SLC39A12: variants seen among roughly 807,000 people sequenced by gnomAD.
The protein encoded by SLC39A12 is solute carrier family 39 member 12, also known as zinc transporter ZIP12.
Under a neutral mutation model 71.1 loss-of-function variants are expected in SLC39A12, and 63 were observed. The observed-to-expected ratio is 0.89, with a 90% CI of 0.72 to 1.09. The LOEUF (loss-of-function observed/expected upper bound fraction) is 1.09. SLC39A12 is among the 50% of genes least tolerant of loss of function. SLC39A12 has a pLI of 0.00. For synonymous variants in SLC39A12, 351 were observed against 301.3 expected, an observed-to-expected ratio of 1.16 and a Z score of -1.71; for missense variants, 892 against 812.6, an observed-to-expected ratio of 1.10 and a Z score of -1.19.
intron 12 of SLC39A12, among the ~76,000 whole-genome samples, chr10:18,025,035 G>T (rs1421222161): frequency 6.6e-6 from 1 of 152,016 alleles, no homozygotes; most frequent in African/African-American, 2.4e-5. Context: ...TTGATCCACT[G>T]TTATAATCTC....
intron 12 of SLC39A12, among the ~76,000 whole-genome samples, chr10:18,009,967 T>C (rs546414065): frequency 1.3e-5 from 2 of 152,312 alleles, no homozygotes; most frequent in African/African-American, 2.4e-5. Context: ...AAAACATTAA[T>C]TGAGTGACAA....
intron 9 of SLC39A12, among the ~76,000 whole-genome samples, chr10:17,994,828 AT>A (rs1174077016): frequency 6.6e-6 from 1 of 152,154 alleles, no homozygotes; most frequent in East Asian, 1.9e-4. Context: ...CACAAAATGC[AT>A]TTATCTCATT....
chr10:17,952,196 G>T (rs74642760), intron 1 of SLC39A12, among the ~76,000 whole-genome samples, 171 bp downstream of exon 1: 2,423 of 152,254 alleles, frequency 0.016, 62 homozygotes, highest in African/African-American at 0.054. Flanking sequence ...TCGGACATGA[G>T]ATGCTGTTAA....
In SLC39A12 at chr10:17,965,813, TAG is replaced by T. The variant is rs1834811858; in HGVS notation, c.751+126_751+127del. On this transcript the variant is annotated intron_variant, in intron 4 of 12. Coordinates refer to ENST00000377369, the MANE Select transcript of SLC39A12 (RefSeq NM_001145195.2). ...GGTATGTTTTAAATACCATTTTTTA[TAG>T]AGTCATAAAGTCAGACAGCTTATGT... The T allele has an allele frequency of 3.7e-6, 3 of 808,582 alleles. No homozygotes were observed. The East Asian group carries it at 8.1e-5, about 22-fold the overall frequency. The allele number at this position is 808,582 out of a possible 1,614,324, so 50.1% of individuals were successfully genotyped here.
At chr10:17,999,247 A>T (rs1194500583) in intron 10 of SLC39A12, among the ~76,000 whole-genome samples, 4 of 143,126 alleles carry the variant, frequency 2.8e-5, no homozygotes, top group African/African-American at 1.0e-4. Context: ...GTGAGCCTAG[A>T]TCATGCTACT....
chr10:18,039,408 A>T lies in SLC39A12; in HGVS notation c.1948-3297A>T, dbSNP rs573189840. Among the ~76,000 whole-genome samples, 7 of 152,286 alleles carry T rather than the reference A, an allele frequency of 4.6e-5. No homozygotes were observed. The South Asian group carries it at 1.0e-3, about 23-fold the overall frequency. On this transcript the variant is annotated intron_variant, in intron 12 of 12. Transcript: ENST00000377369. ...TTGTCTGGCTTTGGAGAAAACTATT[A>T]AAAAATACTGAAAACTATTGAGAAT...
intron 12 of SLC39A12, among the ~76,000 whole-genome samples, chr10:18,033,988 T>C (rs1433712582): frequency 6.8e-6 from 1 of 147,764 alleles, no homozygotes; most frequent in Non-Finnish European, 1.5e-5. Context: ...TCCTGAGTTC[T>C]AGTTTGATTG....
chr10:17,986,411 G>A (rs1835397367), intron 6 of SLC39A12, among the ~76,000 whole-genome samples: 2 of 152,174 alleles, frequency 1.3e-5, no homozygotes, highest in Admixed American at 1.3e-4. Flanking sequence ...AGTTCTGGAG[G>A]TTGGGAAGTC....
chr10:17,988,723 G>C (rs72778339), intron 7 of SLC39A12, among the ~76,000 whole-genome samples: 22 of 152,138 alleles, frequency 1.4e-4, no homozygotes, highest in African/African-American at 5.3e-4. Flanking sequence ...AGAGGCAGTG[G>C]CATCTGTGCC....
intron 12 of SLC39A12, among the ~76,000 whole-genome samples, chr10:18,022,901 C>T (rs368682360): frequency 4.1e-4 from 62 of 152,204 alleles, no homozygotes; most frequent in East Asian, 1.4e-3. Flanking sequence ...TCTATATTAG[C>T]GTAGTATTTT....
chr10:17,978,493 G>A (rs1835172404), intron 5 of SLC39A12, among the ~76,000 whole-genome samples: 1 of 152,136 alleles, frequency 6.6e-6, no homozygotes, highest in African/African-American at 2.4e-5. Context: ...TGTTGAAGTT[G>A]ACTCTTTCAG....
rs955688053 is a variant in SLC39A12, at chr10:18,030,796, C to T, written c.1948-11909C>T. 4.4e-5 allele frequency among the ~76,000 whole-genome samples: 5 copies of T among 114,000 alleles called. No homozygotes were observed. The Admixed American group carries it at 4.7e-4, about 11-fold the overall frequency. 74.8% of individuals were successfully genotyped at this position (114,000 alleles called of 152,430 possible). On this transcript the variant is annotated intron_variant, in intron 12 of 12. Coordinates refer to ENST00000377369, the MANE Select transcript of SLC39A12 (RefSeq NM_001145195.2). ...CCCAATGCTATCCCTCCCCCTCCCC[C>T]CTCCCCCCACCCCACCACAGTCCCC... is the stretch of plus-strand genomic sequence containing the variant.
At chr10:17,975,131 T>TCA (rs972603829) in intron 4 of SLC39A12, among the ~76,000 whole-genome samples, 14 of 152,286 alleles carry the variant, frequency 9.2e-5, no homozygotes, top group Admixed American at 3.3e-4. Context: ...TGGTGAATGC[T>TCA]GCCTACCCTA....
rs1378690243 is a variant in SLC39A12, at chr10:18,034,997, G to A, written c.1948-7708G>A. On this transcript the variant is annotated intron_variant, in intron 12 of 12. Transcript: ENST00000377369. ...GGCCCCCACTCTCTTCTGGCTTGTA[G>A]GGTTTCTGCCGAGAGATCCGCTGTT... Among the ~76,000 whole-genome samples, 409 of 151,086 alleles carry A rather than the reference G, an allele frequency of 2.7e-3. 2 individuals carry two copies. The highest frequency in any genetic ancestry group is 9.5e-3 in the African/African-American group (391 of 41,100).
chr10:17,967,852 A>G (rs995964855), intron 4 of SLC39A12, among the ~76,000 whole-genome samples: 4 of 148,960 alleles, frequency 2.7e-5, no homozygotes, highest in Admixed American at 1.3e-4. Context: ...CCGCCACTGT[A>G]CTCCAGCCTG....
intron 4 of SLC39A12, among the ~76,000 whole-genome samples, chr10:17,974,022 G>A (rs1835042728): frequency 6.6e-6 from 1 of 150,990 alleles, no homozygotes; most frequent in South Asian, 2.1e-4. Context: ...TCTTCAGTAT[G>A]CCAGTTGCAT....
rs182477356 is a variant in SLC39A12 at position 17,972,004 on chromosome 10, T to A, written c.752-5898T>A. Among the ~76,000 whole-genome samples the A allele has an allele frequency of 4.5e-3, 678 of 152,294 alleles. 6 individuals carry two copies. Among genetic ancestry groups the A allele is most frequent in the African/African-American group, 0.016 (660 of 41,574 alleles). On this transcript the variant is annotated intron_variant, in intron 4 of 12. Coordinates refer to ENST00000377369, the MANE Select transcript of SLC39A12 (RefSeq NM_001145195.2). ...TTCCTCTTAGCACCACTTTTGTTGT[T>A]TCTCATAGGATTTGGTATGTTGTGT...
At chr10:17,995,818 T>C (rs1435825992) in intron 10 of SLC39A12, 96 bp downstream of exon 10, 5 of 1,081,384 alleles carry the variant, frequency 4.6e-6, no homozygotes, top group Non-Finnish European at 5.4e-6. Flanking sequence ...AGATATCATA[T>C]TGGGTATGTA....
chr10:17,983,547 G>C (rs1835324882), intron 6 of SLC39A12, among the ~76,000 whole-genome samples: 1 of 152,074 alleles, frequency 6.6e-6, no homozygotes, highest in Middle Eastern at 3.2e-3. Context: ...ACTTTGGGAG[G>C]CCAAGGTGGG....
Sources: gnomAD v4.1 joint callset for allele counts (sites outside exome capture counted in the v4.1 genomes callset) on GRCh38, gnomAD v4.1.1 for gene constraint, MANE v1.5 for transcripts, NCBI Gene and HGNC (gene_info 2026-07-23, HGNC 2026-07-21) for gene names.